BMPR2: variants seen among roughly 807,000 people sequenced by gnomAD.
The protein encoded by BMPR2 is bone morphogenetic protein receptor type-2.
In BMPR2, 29 loss-of-function variants were observed where a neutral mutation model predicts 100.8. The observed-to-expected ratio is 0.29, with a 90% confidence interval of 0.21 to 0.39. BMPR2 has a LOEUF of 0.39. Among genes scored for constraint, BMPR2 ranks in the 10% least tolerant of loss-of-function variants. The pLI is 1.00. For missense variants in BMPR2, 1,011 were observed against 1,274.5 expected (o/e 0.79, Z 3.15); for synonymous variants, 382 against 442.3 (o/e 0.86, Z 1.71).
intron 10 of BMPR2, among the ~76,000 whole-genome samples, chr2:202,546,981 T>C (rs1321459848): frequency 6.6e-6 from 1 of 151,948 alleles, no homozygotes; most frequent in East Asian, 1.9e-4. Flanking sequence ...TTGCCAAGAC[T>C]AGTCTTAAAC....
chr2:202,535,770 G>A lies in BMPR2; in HGVS notation c.1276+3038G>A, dbSNP rs540370679. On this transcript the variant is annotated intron_variant, in intron 9 of 12. Transcript: ENST00000374580. The stretch of plus-strand genomic sequence containing the variant: ...GGAGGTTGTAGCGAGCCGAGATCAC[G>A]CCACTGCACTCCAGCCTGGGCACCA... Among the ~76,000 whole-genome samples, 10 of 152,208 alleles carry A rather than the reference G, an allele frequency of 6.6e-5. No homozygotes were observed. The South Asian group carries it at 1.5e-3, about 22-fold the overall frequency.
At chr2:202,410,534 T>C (rs1160365325) in intron 1 of BMPR2, among the ~76,000 whole-genome samples, 1 of 152,166 alleles carries the variant, frequency 6.6e-6, no homozygotes. Flanking sequence ...TAAATATCAG[T>C]GAGTCCATAC....
In BMPR2 at chr2:202,407,440, TATC is replaced by T. The variant is rs1370842513; in HGVS notation, c.76+29893_76+29895del. Reference sequence around the variant, plus strand: ...TGTTCATTTGGGGCACCTTGTTGGTTATCATAAATTTTGGTGTGATCAGGTACT... The same window carrying T: ...TGTTCATTTGGGGCACCTTGTTGGTTATAAATTTTGGTGTGATCAGGTACT... On this transcript the variant is annotated intron_variant, in intron 1 of 12. Coordinates refer to ENST00000374580, the MANE Select transcript of BMPR2 (RefSeq NM_001204.7). Among the ~76,000 whole-genome samples the T allele has an allele frequency of 7.9e-5, 12 of 152,200 alleles. 1 individual carries two copies. The East Asian group carries it at 2.3e-3, about 29-fold the overall frequency.
At chr2:202,388,580 C>A (rs776294402) in intron 1 of BMPR2, among the ~76,000 whole-genome samples, 1 of 151,290 alleles carries the variant, frequency 6.6e-6, no homozygotes, top group East Asian at 1.9e-4. Context: ...GTCAGGATAT[C>A]GAGACTAGCC....
rs151038493 is a variant in BMPR2 at position 202,434,343 on chromosome 2, C to T, written c.77-30466C>T. 4.0e-5 allele frequency among the ~76,000 whole-genome samples: 6 copies of T among 150,666 alleles called. 1 individual carries two copies. The East Asian group carries it at 1.2e-3, about 29-fold the overall frequency. ...TCCAGTCAAAGCAAAATGGACTGGT[C>T]ATGGCAACAGTTTTTTGGGATGCTC... is the stretch of plus-strand genomic sequence containing the variant. On this transcript the variant is annotated intron_variant, in intron 1 of 12. Coordinates refer to ENST00000374580, the MANE Select transcript of BMPR2 (RefSeq NM_001204.7).
At chr2:202,548,808 C>T (rs948027670) in intron 10 of BMPR2, among the ~76,000 whole-genome samples, 6 of 152,142 alleles carry the variant, frequency 3.9e-5, no homozygotes, top group Non-Finnish European at 7.3e-5. Flanking sequence ...AGTCCCCTTT[C>T]AAAGGACGCA....
intron 1 of BMPR2, among the ~76,000 whole-genome samples, chr2:202,385,218 TGTA>T (rs1404801188): frequency 6.6e-6 from 1 of 151,938 alleles, no homozygotes; most frequent in Non-Finnish European, 1.5e-5. Context: ...TCTATGTAAT[TGTA>T]GTAGACACAC....
At chr2:202,412,378 G>A (rs997963713) in intron 1 of BMPR2, among the ~76,000 whole-genome samples, 1 of 152,150 alleles carries the variant, frequency 6.6e-6, no homozygotes, top group African/African-American at 2.4e-5. Flanking sequence ...GAGTGCAGTG[G>A]CGCAATCTCG....
chr2:202,385,699 G>A (rs1265579131), intron 1 of BMPR2, among the ~76,000 whole-genome samples: 4 of 140,664 alleles, frequency 2.8e-5, no homozygotes, highest in African/African-American at 1.1e-4. Flanking sequence ...TTATATGGTT[G>A]TGATTTTATA....
chr2:202,475,177 C>G (rs1001202764), intron 3 of BMPR2: 1 of 151,772 alleles, frequency 6.6e-6, no homozygotes, highest in Admixed American at 6.6e-5. Context: ...TTTTTTGATT[C>G]GGTCTCGTTC....
rs918638706 is a variant in BMPR2 at position 202,377,651 on chromosome 2, C to A, written c.76+101C>A. The A allele has an allele frequency of 5.1e-6, 7 of 1,376,862 alleles. No homozygotes were observed. The African/African-American group carries it at 7.2e-5, about 14-fold the overall frequency. The allele number at this position is 1,376,862 out of a possible 1,614,324, so 85.3% of individuals were successfully genotyped here. On this transcript the variant is annotated intron_variant, in intron 1 of 12. Transcript: ENST00000374580. Reference sequence around the variant, plus strand: ...CCTGTGCTTGCCCTTCGCCATGCGTCCCCCCGATCGCGGTGCAGCGGAGCT... The same window carrying A: ...CCTGTGCTTGCCCTTCGCCATGCGTACCCCCGATCGCGGTGCAGCGGAGCT...
rs918814915 is a variant in BMPR2, at chr2:202,424,116, G to T, written c.77-40693G>T. On this transcript the variant is annotated intron_variant, in intron 1 of 12. Transcript: ENST00000374580. ...AGGCCAGGCACAGTGGCTCACCCCTGTGATCCCAGCACTTTGAGAGGCCGA... is the reference window on the plus strand; with the variant it reads ...AGGCCAGGCACAGTGGCTCACCCCTTTGATCCCAGCACTTTGAGAGGCCGA... Among the ~76,000 whole-genome samples the T allele has an allele frequency of 5.4e-5, 8 of 146,810 alleles. No homozygotes were observed. The Admixed American group carries it at 5.6e-4, about 10-fold the overall frequency.
intron 3 of BMPR2, among the ~76,000 whole-genome samples, chr2:202,476,281 T>TTAACTGTGTCTCA (rs1692550398): frequency 6.6e-6 from 1 of 152,120 alleles, no homozygotes; most frequent in Non-Finnish European, 1.5e-5. Flanking sequence ...TCTTCCTGCC[T>TTAACTGTGTCTCA]TAACTGTGTC....
Position 202,555,453 on chromosome 2 carries a change from T to C in BMPR2, c.1788T>C (p.Ala596=). The change falls in exon 12 of 13, where the codon GCT becomes GCC. Residue 596 remains alanine, a synonymous_variant. Coordinates refer to ENST00000374580, the MANE Select transcript of BMPR2 (RefSeq NM_001204.7). ...ACTATGAACGACAGCAAGCACAAGC[T>C]CGAATCCCCAGCCCTGAAACAAGTG... ...SINYERQQAQ[A]RIPSPETSVT... 1 of 1,613,914 alleles carries C rather than the reference T, an allele frequency of 6.2e-7. No individual in the cohort carries two copies. Among genetic ancestry groups the C allele is most frequent in the South Asian group, 1.1e-5 (1 of 91,068 alleles).
At chr2:202,424,485 C>T (rs1691342414) in intron 1 of BMPR2, among the ~76,000 whole-genome samples, 1 of 152,036 alleles carries the variant, frequency 6.6e-6, no homozygotes. Context: ...ATCACGAGGC[C>T]AGGAGTTCGA....
intron 1 of BMPR2, among the ~76,000 whole-genome samples, chr2:202,432,375 T>C (rs1455475299): frequency 6.6e-6 from 1 of 150,556 alleles, no homozygotes; most frequent in Non-Finnish European, 1.5e-5. Flanking sequence ...ATTAGCACAG[T>C]GGTATTTAAG....
chr2:202,437,391 C>CT (rs985415794), intron 1 of BMPR2, among the ~76,000 whole-genome samples: 9 of 150,698 alleles, frequency 6.0e-5, no homozygotes, highest in Admixed American at 2.0e-4. Context: ...TAAATTTTAA[C>CT]TTTTTTTATG....
intron 1 of BMPR2, among the ~76,000 whole-genome samples, chr2:202,448,500 A>G (rs1244503617): frequency 2.7e-5 from 4 of 149,740 alleles, no homozygotes; most frequent in Non-Finnish European, 5.9e-5. Context: ...TCTGTCGCCC[A>G]GGCTGGAGTG....
intron 9 of BMPR2, among the ~76,000 whole-genome samples, chr2:202,540,554 T>C (rs1164697521): frequency 1.3e-5 from 2 of 152,224 alleles, no homozygotes; most frequent in African/African-American, 2.4e-5. Flanking sequence ...GCACAGATAA[T>C]AGAATTAATC....
Sources: gnomAD v4.1 joint callset for allele counts (sites outside exome capture counted in the v4.1 genomes callset) on GRCh38, gnomAD v4.1.1 for gene constraint, MANE v1.5 for transcripts, NCBI Gene and HGNC (gene_info 2026-07-23, HGNC 2026-07-21) for gene names.